The following SUSD2 variants were observed in gnomAD, a reference collection of about 807,000 sequenced individuals.
SUSD2 encodes the protein sushi domain-containing protein 2.
SUSD2 carries 86 observed loss-of-function variants against 93.8 expected under a neutral mutation model. The ratio of observed to expected loss-of-function variants is 0.92; its 90% CI spans 0.77 to 1.10. The LOEUF is 1.10. Among genes scored for constraint, SUSD2 ranks in the 50% least tolerant of loss-of-function variants. The pLI, the probability that SUSD2 is intolerant of heterozygous loss-of-function variation, is 0.00. For synonymous variants in SUSD2, 483 were observed against 485.0 expected (o/e 1.00, Z 0.05); for missense variants, 1,060 against 1,137.0 (o/e 0.93, Z 0.97).
Position 24,188,359 on chromosome 22 carries a change from C to G in SUSD2, c.2444+32C>G. 6.2e-7 allele frequency: 1 copy of G among 1,610,458 alleles called. No homozygotes were observed. Among genetic ancestry groups the G allele is most frequent in the Non-Finnish European group, 8.5e-7 (1 of 1,179,518 alleles). ...CCCCCCAGCCCCTCTCCCAAGACCC[C>G]GAGACAGCCGGTGGGACCACCGAGG... On this transcript the variant is annotated intron_variant, in intron 14 of 14. Transcript: ENST00000358321. This position sits in a 1 kb window ranked among gnomAD's most constrained non-coding sequence, Gnocchi z 4.7.
At chr22:24,181,674 G>T in intron 1 of SUSD2, 79 bp downstream of exon 1, 4 of 1,152,634 alleles carry the variant, frequency 3.5e-6, no homozygotes, top group Non-Finnish European at 4.9e-6. Context: ...ATCCCTCTGG[G>T]CTCAGCCTCT....
Position 24,184,900 on chromosome 22 carries a change from G to A in SUSD2, c.742G>A (p.Ala248Thr), listed in dbSNP as rs1171689204. 3 of 1,614,024 alleles carry A rather than the reference G, an allele frequency of 1.9e-6. No individual in the cohort carries two copies. Among genetic ancestry groups the A allele is most frequent in the Non-Finnish European group, 2.5e-6 (3 of 1,179,986 alleles). The change falls in exon 5 of 15, where the codon GCA (alanine) becomes ACA (threonine). Residue 248 changes from alanine to threonine, a missense_variant. By Grantham distance (58) the Ala-to-Thr change is moderately conservative. Around this residue, in one of 2 missense-constraint regions of SUSD2, gnomAD observed 973 missense variants for 1,005.3 expected, o/e 0.97. Transcript: ENST00000358321. ...CAGCTACCAGAGATGGCGAGTGGGTGCACTTCGGATCATCGACAGCAAAAA... is the reference window on the plus strand; with the variant it reads ...CAGCTACCAGAGATGGCGAGTGGGTACACTTCGGATCATCGACAGCAAAAA... Reference protein sequence around the residue: ...PPSYQRWRVGALRIIDSKNYA... With the variant: ...PPSYQRWRVGTLRIIDSKNYA...
In SUSD2 at chr22:24,183,594, TG is replaced by T; in HGVS notation, c.388del (p.Val130CysfsTer25). 6.2e-7 allele frequency: 1 copy of T among 1,613,290 alleles called. No homozygotes were observed. Among genetic ancestry groups the T allele is most frequent in the South Asian group, 1.1e-5 (1 of 91,088 alleles). On this transcript the variant is annotated frameshift_variant, in exon 3 of 15. Coordinates refer to ENST00000358321, the MANE Select transcript of SUSD2 (RefSeq NM_019601.4). LOFTEE classifies it high-confidence loss of function. ...ATGAGAGCGGCCGCATCCCCTTCAC[TG>T]TGTCACTGGACAACGGCCACTCCTT... is the stretch of plus-strand genomic sequence containing the variant. ...LYESGRIPFT[V>X]SLDNGHSFPR...
chr22:24,187,029 T>C, intron 10 of SUSD2, 173 bp from the exon 11 acceptor site: 1 of 768,136 alleles, frequency 1.3e-6, no homozygotes, highest in East Asian at 2.7e-5. Flanking sequence ...ACCGCAAGCA[T>C]GGCAGGGGTG....
chr22:24,184,692 G>A (rs1163057380), intron 4 of SUSD2, 74 bp from the exon 5 acceptor site: 2 of 1,276,872 alleles, frequency 1.6e-6, no homozygotes, highest in Admixed American at 2.4e-5. Context: ...CATCTGTCAG[G>A]CTGCTGTAGG....
At chr22:24,185,048 T>A in intron 5 of SUSD2, 46 bp from the exon 6 acceptor site, 5 of 1,610,008 alleles carry the variant, frequency 3.1e-6, no homozygotes, top group Non-Finnish European at 4.2e-6. Context: ...GGGGCGACCA[T>A]GGGGTGGTGT....
chr22:24,186,499 C>T lies in SUSD2; in HGVS notation c.1642+84C>T, dbSNP rs949646974. The T allele has an allele frequency of 2.7e-6, 4 of 1,500,902 alleles. No individual in the cohort carries two copies. The African/African-American group carries it at 4.1e-5, about 16-fold the overall frequency. The allele number at this position is 1,500,902 out of a possible 1,614,324, so 93.0% of individuals were successfully genotyped here. A position where few individuals can be genotyped will look rare whatever the true frequency, so the allele number is the denominator to read the frequency against. On this transcript the variant is annotated intron_variant, in intron 10 of 14. Transcript: ENST00000358321. ...GGGAGACTGAGGGGAAGCCCTGGGC[C>T]TTCATGCCTCTCCCAGTCCTGGCTA... is the stretch of plus-strand genomic sequence containing the variant.
At chr22:24,187,872 G>A (rs1048684682) in intron 12 of SUSD2, 29 bp downstream of exon 12, 1 of 1,604,180 alleles carries the variant, frequency 6.2e-7, no homozygotes, top group Middle Eastern at 1.7e-4. Flanking sequence ...GGGTGGGCGG[G>A]GAGCTGGGAC....
In SUSD2 at chr22:24,183,422, G is replaced by A; in HGVS notation, c.288-73G>A. 4 of 1,565,744 alleles carry A rather than the reference G, an allele frequency of 2.6e-6. 1 individual carries two copies. The highest frequency in any genetic ancestry group is 2.3e-5 in the South Asian group (2 of 85,772). On this transcript the variant is annotated intron_variant, in intron 2 of 14. Coordinates refer to ENST00000358321, the MANE Select transcript of SUSD2 (RefSeq NM_019601.4). Reference sequence around the variant, plus strand: ...GCTGGCTGGTTGGGTTCCCCAGGGAGGTTGGGGGCCCAGACCATCGAGAGG... The same window carrying A: ...GCTGGCTGGTTGGGTTCCCCAGGGAAGTTGGGGGCCCAGACCATCGAGAGG...
chr22:24,182,062 G>A (rs1342664500), intron 1 of SUSD2, among the ~76,000 whole-genome samples: 5 of 150,714 alleles, frequency 3.3e-5, no homozygotes, highest in African/African-American at 4.9e-5. Context: ...CTCCTCCCCC[G>A]ACCCCTGTGC....
intron 1 of SUSD2, chr22:24,182,550 A>C (rs1001158049): frequency 1.2e-5 from 2 of 170,520 alleles, no homozygotes; most frequent in Non-Finnish European, 2.6e-5. Flanking sequence ...ATTCCCTACC[A>C]GGCCTCAAAT....
chr22:24,187,799 T>A lies in SUSD2; in HGVS notation c.2120T>A (p.Val707Glu). The change falls in exon 12 of 15, where the codon GTG becomes GAG. Residue 707 changes from valine (V) to glutamate (E), a missense_variant. By Grantham distance (121) the Val-to-Glu change is moderately radical. Transcript: ENST00000358321. ...GSLSTGTATR[V>E]AHQLHQRRMQ... ...CTGAGCACGGGCACTGCCACTCGGG[T>A]GGCCCACCAGCTGCACCAGCGTCGC... The A allele has an allele frequency of 6.4e-7, 1 of 1,557,170 alleles. No individual in the cohort carries two copies. Among genetic ancestry groups the A allele is most frequent in the African/African-American group, 1.4e-5 (1 of 72,930 alleles).
Position 24,187,590 on chromosome 22 carries a change from C to T in SUSD2, c.1911C>T (p.Ser637=), listed in dbSNP as rs760942191. 4.3e-6 allele frequency: 7 copies of T among 1,613,210 alleles called. No homozygotes were observed. Among genetic ancestry groups the T allele is most frequent in the Admixed American group, 3.3e-5 (2 of 59,978 alleles). Residue 637 remains serine (S), a synonymous_variant, in exon 12 of 15, where the codon TCC becomes TCT. Coordinates refer to ENST00000358321, the MANE Select transcript of SUSD2 (RefSeq NM_019601.4). ...TTCCAGGGACCGTGCACAATGCGTCCTCCCTGCTCACCTACGATTCCTGGT... is the reference window on the plus strand; with the variant it reads ...TTCCAGGGACCGTGCACAATGCGTCTTCCCTGCTCACCTACGATTCCTGGT... ...FGANWTVHNA[S]SLLTYDSWFL...
intron 8 of SUSD2, 26 bp downstream of exon 8, chr22:24,185,955 C>A (rs780693854): frequency 1.3e-6 from 2 of 1,573,474 alleles, no homozygotes; most frequent in Non-Finnish European, 1.7e-6. Context: ...TGCCCCAGAC[C>A]CTGGGAAAGA....
At chr22:24,186,931 T>C (rs2047370420) in intron 10 of SUSD2, 1 of 548,118 alleles carries the variant, frequency 1.8e-6, no homozygotes, top group Non-Finnish European at 3.3e-6. Flanking sequence ...GTGTGGCTGC[T>C]GCAGCCAAGG....
rs374550310 is a variant in SUSD2, at chr22:24,185,824, G to A, written c.1234G>A (p.Asp412Asn). The A allele has an allele frequency of 2.4e-5, 39 of 1,609,292 alleles. No individual in the cohort carries two copies. Among genetic ancestry groups the A allele is most frequent in the Admixed American group, 3.4e-5 (2 of 59,688 alleles). The change falls in exon 8 of 15, where the codon GAT (aspartate) becomes AAT (asparagine). Residue 412 changes from aspartate to asparagine, a missense_variant. Around this residue, in one of 2 missense-constraint regions of SUSD2, gnomAD observed 973 missense variants for 1,005.3 expected, o/e 0.97. Coordinates refer to ENST00000358321, the MANE Select transcript of SUSD2 (RefSeq NM_019601.4). The part of the protein sequence containing the change: ...RVPSMSHWLY[D>N]VLSFYYCCLW... ...GCCCAGCATGTCCCACTGGCTCTACGATGTCCTCAGCTTCTATTACTGCTG... is the reference window on the plus strand; with the variant it reads ...GCCCAGCATGTCCCACTGGCTCTACAATGTCCTCAGCTTCTATTACTGCTG...
In SUSD2 at chr22:24,184,128, C is replaced by T. The variant is rs577098103; in HGVS notation, c.440-8C>T. 1.2e-6 allele frequency: 2 copies of T among 1,611,794 alleles called. No individual in the cohort carries two copies. The highest frequency in any genetic ancestry group is 1.3e-5 in the African/African-American group (1 of 75,012). On this transcript the variant is annotated splice_polypyrimidine_tract_variant and splice_region_variant and intron_variant, in intron 3 of 14. Transcript: ENST00000358321. ...GGCCCTCACTCACCCCTCACCTCCC[C>T]TGCCCAGTGCACCCCAACAAAGTGT...
rs577175611 is a variant in SUSD2 at position 24,183,438 on chromosome 22, C to T, written c.288-57C>T. 44 of 1,577,750 alleles carry T rather than the reference C, an allele frequency of 2.8e-5. No individual in the cohort carries two copies. In the Middle Eastern group the frequency reaches 1.0e-3, roughly 36 times the overall value. On this transcript the variant is annotated intron_variant, in intron 2 of 14. Transcript: ENST00000358321. ...CCCCAGGGAGGTTGGGGGCCCAGAC[C>T]ATCGAGAGGCTCAGCCTGCAATGAC...
chr22:24,188,308 C>T lies in SUSD2; in HGVS notation c.2425C>T (p.Arg809Cys), dbSNP rs375650591. Reference protein sequence around the residue: ...AAVALVYVLLRRRKGNTHVWG... With the variant: ...AAVALVYVLLCRRKGNTHVWG... The stretch of plus-strand genomic sequence containing the variant: ...GGTTGCGCTCGTCTATGTGCTGCTG[C>T]GCCGCAGGAAGGGCAACACGTGAGA... Residue 809 changes from arginine (R) to cysteine (C), a missense_variant, in exon 14 of 15, where the codon CGC becomes TGC. By Grantham distance (180) the Arg-to-Cys change is radical. Transcript: ENST00000358321. This position sits in a 1 kb window ranked among gnomAD's most constrained non-coding sequence, Gnocchi z 4.7. 1.6e-5 allele frequency: 26 copies of T among 1,605,780 alleles called. No homozygotes were observed. Among genetic ancestry groups the T allele is most frequent in the East Asian group, 2.2e-5 (1 of 44,792 alleles).
Sources: gnomAD v4.1 joint callset for allele counts (sites outside exome capture counted in the v4.1 genomes callset) on GRCh38, gnomAD v4.1.1 for gene constraint, gnomAD v4.1.1 regional missense constraint, Gnocchi (gnomAD v3.1) non-coding constraint, MANE v1.5 for transcripts, NCBI Gene and HGNC (gene_info 2026-07-23, HGNC 2026-07-21) for gene names.